Variants in DLG2 observed in about 807,000 individuals in gnomAD.
DLG2 encodes disks large homolog 2.
In DLG2, 45 loss-of-function variants were observed where a neutral mutation model predicts 132.5. That is an observed-to-expected ratio of 0.34 (90% CI 0.27 to 0.44). The LOEUF (loss-of-function observed/expected upper bound fraction) is 0.44. Ranked by LOEUF, DLG2 falls within the 20% of genes least tolerant of loss-of-function variation. DLG2 has a pLI of 1.00. For missense variants in DLG2, 1,045 were observed against 1,196.9 expected, an observed-to-expected ratio of 0.87 and a Z score of 1.87; for synonymous variants, 424 against 419.6, an observed-to-expected ratio of 1.01 and a Z score of -0.13.
chr11:84,061,779 C>T (rs1392291223), intron 10 of DLG2, among the ~76,000 whole-genome samples: 4 of 149,682 alleles, frequency 2.7e-5, no homozygotes, highest in South Asian at 4.3e-4. Flanking sequence ...TCCTAAGATT[C>T]GGCAATGTCA....
At chr11:85,168,167 C>T (rs2078595264) in intron 4 of DLG2, among the ~76,000 whole-genome samples, 1 of 151,992 alleles carries the variant, frequency 6.6e-6, no homozygotes, top group Admixed American at 6.6e-5. Context: ...TTGGGGAAAA[C>T]ACAAAGAAGA....
chr11:84,006,814 T>C (rs1371882573), intron 11 of DLG2, among the ~76,000 whole-genome samples: 2 of 151,642 alleles, frequency 1.3e-5, no homozygotes, highest in Non-Finnish European at 3.0e-5. Flanking sequence ...AGGAGACTTT[T>C]TCCCTCAATT....
chr11:84,021,247 C>G (rs1385720321), intron 11 of DLG2, among the ~76,000 whole-genome samples: 3 of 151,972 alleles, frequency 2.0e-5, no homozygotes, highest in Non-Finnish European at 4.4e-5. Context: ...AACTGAGACT[C>G]AGAATTTCTA....
rs1385774958 is a variant in DLG2 at position 84,169,988 on chromosome 11, C to T, written c.574-6477G>A. On this transcript the variant is annotated intron_variant, in intron 8 of 27. Coordinates refer to ENST00000376104, the MANE Select transcript of DLG2 (RefSeq NM_001142699.3). ...GATCATTATGTTGCTCTGCTATTGG[C>T]ACTCACTTTCTTAAGGCTATTCTCA... Among the ~76,000 whole-genome samples, 2 of 152,154 alleles carry T rather than the reference C, an allele frequency of 1.3e-5. 1 individual carries two copies.
intron 6 of DLG2, among the ~76,000 whole-genome samples, chr11:84,863,317 CT>C (rs200494463): frequency 0.016 from 2,407 of 152,134 alleles, 29 homozygotes; most frequent in Non-Finnish European, 0.023. Flanking sequence ...CTTAAATTCC[CT>C]ATTTGAGGAA....
chr11:83,867,740 T>C (rs1233769637), intron 16 of DLG2, among the ~76,000 whole-genome samples: 4 of 152,218 alleles, frequency 2.6e-5, no homozygotes, highest in Admixed American at 6.5e-5. Flanking sequence ...GAAAAGCAGA[T>C]GGCAACAGAA....
intron 6 of DLG2, among the ~76,000 whole-genome samples, chr11:84,542,625 G>T (rs879564504): frequency 3.3e-5 from 5 of 152,102 alleles, no homozygotes; most frequent in African/African-American, 4.8e-5. Flanking sequence ...TGGGCTGAAA[G>T]GAAGCACATA....
intron 7 of DLG2, among the ~76,000 whole-genome samples, chr11:84,505,692 T>C (rs188330662): frequency 6.6e-6 from 1 of 152,298 alleles, no homozygotes; most frequent in Non-Finnish European, 1.5e-5. Flanking sequence ...TAATCATTAT[T>C]ACCATTATTT....
At chr11:85,034,184 T>G (rs901545196) in intron 6 of DLG2, among the ~76,000 whole-genome samples, 13 of 151,998 alleles carry the variant, frequency 8.6e-5, no homozygotes, top group African/African-American at 2.9e-4. Flanking sequence ...TTCACGCCAT[T>G]CTCCTGCCTC....
At chr11:84,284,876 T>G (rs1156607286) in intron 7 of DLG2, among the ~76,000 whole-genome samples, 4 of 152,216 alleles carry the variant, frequency 2.6e-5, no homozygotes, top group Non-Finnish European at 5.9e-5. Flanking sequence ...CAGCCTTTAG[T>G]GCATTGCCTG....
At chr11:85,151,014 A>C (rs557410740) in intron 5 of DLG2, among the ~76,000 whole-genome samples, 1 of 152,166 alleles carries the variant, frequency 6.6e-6, no homozygotes, top group Non-Finnish European at 1.5e-5. Context: ...CAATTTCTCC[A>C]CATCTTTATC....
chr11:84,222,115 C>T (rs557244098), intron 8 of DLG2, among the ~76,000 whole-genome samples: 1 of 152,230 alleles, frequency 6.6e-6, no homozygotes, highest in African/African-American at 2.4e-5. Flanking sequence ...TCACTGCAAC[C>T]TCCACCTCCT....
At chr11:84,002,465 A>G (rs1009089641) in intron 11 of DLG2, among the ~76,000 whole-genome samples, 3 of 152,110 alleles carry the variant, frequency 2.0e-5, no homozygotes, top group South Asian at 4.1e-4. Flanking sequence ...ACATCCAGGC[A>G]TTTTCATACA....
chr11:84,700,013 T>C (rs1215442685), intron 6 of DLG2, among the ~76,000 whole-genome samples: 3 of 151,680 alleles, frequency 2.0e-5, no homozygotes, highest in African/African-American at 2.4e-5. Context: ...CTACCTAATA[T>C]GCCAATATGA....
At chr11:83,708,503 G>A (rs2084593258) in intron 18 of DLG2, among the ~76,000 whole-genome samples, 1 of 152,136 alleles carries the variant, frequency 6.6e-6, no homozygotes, top group Admixed American at 6.5e-5. Context: ...CATAAAACAA[G>A]GCCAGAAATT....
At position 85,227,285 on chromosome 11, in the gene DLG2, T is replaced by G. The variant is rs145619214; in HGVS notation, c.186+57935A>C. On this transcript the variant is annotated intron_variant, in intron 4 of 27. Coordinates refer to ENST00000376104, the MANE Select transcript of DLG2 (RefSeq NM_001142699.3). The stretch of plus-strand genomic sequence containing the variant: ...TAAGTTATAAATAAAGATTACCAGT[T>G]TGTAATCTAAAATCAAGAAAAAATT... Among the ~76,000 whole-genome samples the G allele has an allele frequency of 2.0e-3, 310 of 152,186 alleles. 1 individual carries two copies. Among genetic ancestry groups the G allele is most frequent in the African/African-American group, 7.1e-3 (297 of 41,542 alleles).
intron 19 of DLG2, among the ~76,000 whole-genome samples, chr11:83,553,504 G>GCA (rs2096443963): frequency 2.0e-5 from 3 of 149,698 alleles, no homozygotes; most frequent in Non-Finnish European, 2.9e-5. Context: ...GTGTGTGTGT[G>GCA]TGTGTGTGTG....
At chr11:83,708,896 C>T (rs556384198) in intron 18 of DLG2, among the ~76,000 whole-genome samples, 1 of 152,206 alleles carries the variant, frequency 6.6e-6, no homozygotes, top group African/African-American at 2.4e-5. Context: ...TCCAGCTCTG[C>T]CACTTATTTA....
At chr11:83,774,687 A>G (rs559118136) in intron 18 of DLG2, among the ~76,000 whole-genome samples, 1 of 152,312 alleles carries the variant, frequency 6.6e-6, no homozygotes, top group African/African-American at 2.4e-5. Context: ...GTATGGTGCA[A>G]AGGGCTGATT....
Sources: allele counts gnomAD v4.1 joint callset (sites outside exome capture counted in the v4.1 genomes callset), GRCh38; gene constraint gnomAD v4.1.1; transcripts MANE v1.5; gene names NCBI Gene and HGNC (gene_info 2026-07-23, HGNC 2026-07-21).